The following PRKAG2 variants were observed in gnomAD, a reference collection of about 807,000 sequenced individuals.
PRKAG2 encodes the protein 5'-AMP-activated protein kinase subunit gamma-2.
Under a neutral mutation model 69.6 loss-of-function variants are expected in PRKAG2, and 26 were observed. The ratio of observed to expected loss-of-function variants is 0.37; its 90% CI spans 0.27 to 0.52. PRKAG2 has a LOEUF of 0.52. Ranked by LOEUF, PRKAG2 falls within the 20% of genes least tolerant of loss-of-function variation. The pLI is 0.90. For missense variants in PRKAG2, 557 were observed against 740.0 expected (o/e 0.75, Z 2.87); for synonymous variants, 293 against 285.0 (o/e 1.03, Z -0.28).
chr7:151,735,710 C>T (rs1321660975), intron 3 of PRKAG2, among the ~76,000 whole-genome samples: 1 of 152,178 alleles, frequency 6.6e-6, no homozygotes, highest in African/African-American at 2.4e-5. Context: ...TGTCAGGCGG[C>T]TCCCCACAGC....
intron 1 of PRKAG2, among the ~76,000 whole-genome samples, chr7:151,812,463 G>A (rs1356041695): frequency 2.0e-5 from 3 of 152,212 alleles, no homozygotes; most frequent in Non-Finnish European, 4.4e-5. Flanking sequence ...TGAGCTGAAA[G>A]AAGAACACAA....
chr7:151,732,591 A>G (rs899550722), intron 3 of PRKAG2, among the ~76,000 whole-genome samples: 2 of 152,238 alleles, frequency 1.3e-5, no homozygotes, highest in Admixed American at 1.3e-4. Context: ...AGCGGTTTTT[A>G]TGGAGAACCT....
At chr7:151,561,105 A>C (rs1804849303) in intron 14 of PRKAG2, among the ~76,000 whole-genome samples, 1 of 152,192 alleles carries the variant, frequency 6.6e-6, no homozygotes, top group African/African-American at 2.4e-5. Context: ...CATGAGAAGG[A>C]AAGAGGGGAA....
intron 6 of PRKAG2, among the ~76,000 whole-genome samples, chr7:151,594,046 G>A (rs777395747): frequency 3.3e-5 from 5 of 152,184 alleles, no homozygotes; most frequent in Non-Finnish European, 7.4e-5. Context: ...GGGGGTCCCT[G>A]GGGAGGTCTA....
At chr7:151,575,723 A>G (rs1424239933) in intron 7 of PRKAG2, among the ~76,000 whole-genome samples, 1 of 152,146 alleles carries the variant, frequency 6.6e-6, no homozygotes, top group African/African-American at 2.4e-5. Flanking sequence ...AAAGTGGGGC[A>G]GCTGGCTCAC....
At chr7:151,703,847 C>G (rs992930427) in intron 3 of PRKAG2, among the ~76,000 whole-genome samples, 1 of 19,666 alleles carries the variant, frequency 5.1e-5, no homozygotes, top group South Asian at 1.6e-3. Flanking sequence ...TACTGGAAAA[C>G]ACACACACAC....
In PRKAG2 at chr7:151,781,231, G is replaced by A. The variant is rs138610896; in HGVS notation, c.387C>T (p.Ser129=). The part of the protein sequence containing the change: ...RRMSFSGIFR[S]SSKESSPNSN... ...AGTTGGGGGAAGACTCTTTGGAGGA[G>A]GAGCGGAAGATCCCACTGAAGCTCA... The change falls in exon 3 of 16, where the codon TCC becomes TCT. Residue 129 remains serine, a synonymous_variant. Coordinates refer to ENST00000287878, the MANE Select transcript of PRKAG2 (RefSeq NM_016203.4). This position sits in a 1 kb window ranked among gnomAD's most constrained non-coding sequence, Gnocchi z 6.1. 3 of 1,614,120 alleles carry A rather than the reference G, an allele frequency of 1.9e-6. No homozygotes were observed. The highest frequency in any genetic ancestry group is 1.1e-5 in the South Asian group (1 of 91,088).
intron 3 of PRKAG2, among the ~76,000 whole-genome samples, chr7:151,688,537 A>G (rs1835124624): frequency 6.6e-6 from 1 of 152,182 alleles, no homozygotes; most frequent in Non-Finnish European, 1.5e-5. Context: ...GGCCTCCATC[A>G]TCAGAGCTTC....
At chr7:151,852,450 G>C (rs968915961) in intron 1 of PRKAG2, among the ~76,000 whole-genome samples, 18 of 152,054 alleles carry the variant, frequency 1.2e-4, no homozygotes, top group African/African-American at 3.9e-4. Context: ...AGTCAAGATC[G>C]CACCACTGCA....
rs140434878 is a variant in PRKAG2, at chr7:151,577,837, ATG to A, written c.865-1387_865-1386del. Among the ~76,000 whole-genome samples, 1,355 of 152,304 alleles carry A rather than the reference ATG, an allele frequency of 8.9e-3. 17 individuals are homozygous for A. The highest frequency in any genetic ancestry group is 0.03 in the African/African-American group (1,253 of 41,566). On this transcript the variant is annotated intron_variant, in intron 6 of 15. Transcript: ENST00000287878. ...TCAAGAAAGGTCTATGACAATAAAAATGTAACTGTAAAATTATACATTATGAT... is the reference window on the plus strand; with the variant it reads ...TCAAGAAAGGTCTATGACAATAAAAATAACTGTAAAATTATACATTATGAT...
chr7:151,678,153 C>A (rs572385778), intron 3 of PRKAG2, among the ~76,000 whole-genome samples: 1 of 152,312 alleles, frequency 6.6e-6, no homozygotes, highest in South Asian at 2.1e-4. Flanking sequence ...CTCGTGTCAC[C>A]AAACTCATAA....
In PRKAG2 at chr7:151,778,316, G is replaced by A. The variant is rs112149356; in HGVS notation, c.466+2836C>T. On this transcript the variant is annotated intron_variant, in intron 3 of 15. Transcript: ENST00000287878. The stretch of plus-strand genomic sequence containing the variant: ...CATTTTACTACAATACCAAGATCTC[G>A]GTGAATTGGTTTTATCTGTGCAGTG... Among the ~76,000 whole-genome samples the A allele has an allele frequency of 4.3e-3, 649 of 152,234 alleles. 10 individuals are homozygous for A. Among genetic ancestry groups the A allele is most frequent in the South Asian group, 0.021 (103 of 4,816 alleles).
rs577440326 is a variant in PRKAG2 at position 151,756,745 on chromosome 7, G to C, written c.466+24407C>G. 6.6e-6 allele frequency among the ~76,000 whole-genome samples: 1 copy of C among 152,150 alleles called. No individual in the cohort carries two copies. Among genetic ancestry groups the C allele is most frequent in the African/African-American group, 2.4e-5 (1 of 41,430 alleles). ...TGGGAAAGGATTTTCCTTACTCATC[G>C]GTGGGTCGCTTCCCAAACTCTAGTC... is the stretch of plus-strand genomic sequence containing the variant. On this transcript the variant is annotated intron_variant, in intron 3 of 15. Transcript: ENST00000287878. The surrounding 1 kb of genome is among the most constrained non-coding windows in gnomAD (Gnocchi z 4.9).
intron 3 of PRKAG2, among the ~76,000 whole-genome samples, chr7:151,684,667 A>G (rs1834437060): frequency 6.6e-6 from 1 of 152,088 alleles, no homozygotes. Flanking sequence ...CAGGAGTGTG[A>G]CACACCTGAA....
At chr7:151,631,267 C>A (rs1257850089) in intron 5 of PRKAG2, among the ~76,000 whole-genome samples, 1 of 152,224 alleles carries the variant, frequency 6.6e-6, no homozygotes, top group Non-Finnish European at 1.5e-5. Flanking sequence ...ATATAAAGTT[C>A]TTTCCCGACT....
intron 14 of PRKAG2, among the ~76,000 whole-genome samples, chr7:151,561,914 C>T (rs1391306742): frequency 6.9e-5 from 9 of 129,836 alleles, no homozygotes; most frequent in Non-Finnish European, 1.3e-4. Context: ...GCCTGGGCGA[C>T]AGAGCGAGAC....
Position 151,567,621 on chromosome 7 carries a change from C to T in PRKAG2, c.1233+1095G>A, listed in dbSNP as rs73156280. Reference sequence around the variant, plus strand: ...AAACAATGCGGATGCATCCCTAATCCCTTTTTCCTAGATTATCGCCTTTAT... The same window carrying T: ...AAACAATGCGGATGCATCCCTAATCTCTTTTTCCTAGATTATCGCCTTTAT... On this transcript the variant is annotated intron_variant, in intron 11 of 15. Coordinates refer to ENST00000287878, the MANE Select transcript of PRKAG2 (RefSeq NM_016203.4). The surrounding 1 kb of genome is among the most constrained non-coding windows in gnomAD (Gnocchi z 4.2). 0.11 allele frequency among the ~76,000 whole-genome samples: 16,470 copies of T among 152,138 alleles called. 1,135 individuals are homozygous for T. The highest frequency in any genetic ancestry group is 0.27 in the East Asian group (1,392 of 5,178).
Position 151,852,889 on chromosome 7 carries a change from G to T in PRKAG2, c.114+23618C>A, listed in dbSNP as rs115186495. ...CCTGCACGGCCCCATAAGGGGTCAG[G>T]AGGGAAGAATACCTGCTCTTTCATA... On this transcript the variant is annotated intron_variant, in intron 1 of 15. Transcript: ENST00000287878. Among the ~76,000 whole-genome samples the T allele has an allele frequency of 9.0e-3, 1,366 of 152,344 alleles. 22 individuals are homozygous for T. The highest frequency in any genetic ancestry group is 0.03 in the African/African-American group (1,253 of 41,562).
chr7:151,585,553 C>T (rs770525938), intron 6 of PRKAG2, among the ~76,000 whole-genome samples: 7 of 152,172 alleles, frequency 4.6e-5, no homozygotes, highest in Non-Finnish European at 8.8e-5. Context: ...AGCCCGTTTT[C>T]ATCTTTTTAG....
Sources: allele counts gnomAD v4.1 joint callset (sites outside exome capture counted in the v4.1 genomes callset), GRCh38; gene constraint gnomAD v4.1.1; non-coding constraint Gnocchi (gnomAD v3.1); transcripts MANE v1.5; gene names NCBI Gene and HGNC (gene_info 2026-07-23, HGNC 2026-07-21).